The following USP15 variants were observed in gnomAD, a reference collection of about 807,000 sequenced individuals.
USP15 encodes the protein ubiquitin specific peptidase 15.
USP15 carries 18 observed loss-of-function variants against 127.1 expected under a neutral mutation model. That is an observed-to-expected ratio of 0.14 (90% CI 0.10 to 0.21). The LOEUF (loss-of-function observed/expected upper bound fraction) is 0.21, where lower values mean the gene tolerates loss of function less well. USP15 is among the 10% of genes least tolerant of loss of function. The pLI is 1.00. For missense variants in USP15, 805 were observed against 1,159.9 expected (o/e 0.69, Z 4.44); for synonymous variants, 364 against 393.7 (o/e 0.92, Z 0.89).
intron 3 of USP15, among the ~76,000 whole-genome samples, chr12:62,308,496 C>T (rs2064555673): frequency 6.6e-6 from 1 of 152,010 alleles, no homozygotes; most frequent in Non-Finnish European, 1.5e-5. Flanking sequence ...GCACATACCT[C>T]CCTCATCCCC....
Position 62,383,989 on chromosome 12 carries a change from G to A in USP15, c.1239G>A (p.Arg413=). ...PYIQLKDADG[R]PDKVVAEEAW... ...TACAATTAAAAGATGCAGATGGAAG[G>A]CCAGATAAGGTAAATTTCATGATCC... Residue 413 remains arginine, a synonymous_variant, in exon 10 of 22, where the codon AGG becomes AGA. Transcript: ENST00000280377. The A allele has an allele frequency of 6.2e-7, 1 of 1,611,892 alleles. No homozygotes were observed. Among genetic ancestry groups the A allele is most frequent in the Non-Finnish European group, 8.5e-7 (1 of 1,178,882 alleles).
At chr12:62,315,774 A>G (rs2064814425) in intron 4 of USP15, among the ~76,000 whole-genome samples, 1 of 152,308 alleles carries the variant, frequency 6.6e-6, no homozygotes, top group African/African-American at 2.4e-5. Flanking sequence ...TCTGAATTTC[A>G]TTAACTGCAT....
chr12:62,308,953 A>C (rs2064570426), intron 3 of USP15, among the ~76,000 whole-genome samples: 1 of 152,170 alleles, frequency 6.6e-6, no homozygotes, highest in Admixed American at 6.6e-5. Context: ...ATTAAAATAC[A>C]ACTTAAAAGA....
chr12:62,298,887 A>C (rs1470619263), intron 2 of USP15, among the ~76,000 whole-genome samples: 5 of 151,678 alleles, frequency 3.3e-5, no homozygotes, highest in Non-Finnish European at 5.9e-5. Context: ...ACTTCCTGAA[A>C]CTGGGAAGGG....
chr12:62,379,784 G>T (rs2066934384), intron 8 of USP15, among the ~76,000 whole-genome samples: 2 of 152,056 alleles, frequency 1.3e-5, no homozygotes, highest in African/African-American at 4.8e-5. Flanking sequence ...TACTAAATCA[G>T]ATGATACTAA....
At chr12:62,393,341 T>G (rs2067380871) in intron 19 of USP15, 139 bp downstream of exon 19, 1 of 888,754 alleles carries the variant, frequency 1.1e-6, no homozygotes, top group Non-Finnish European at 1.6e-6. Context: ...TGAGTAGTTC[T>G]AACAGTTTAT....
intron 1 of USP15, among the ~76,000 whole-genome samples, chr12:62,279,365 T>C (rs951453766): frequency 1.3e-5 from 2 of 152,152 alleles, no homozygotes; most frequent in Admixed American, 6.6e-5. Context: ...CATTTTTCTT[T>C]ATTCTTTCAT....
chr12:62,304,545 A>G (rs1488610834), intron 3 of USP15: 2 of 265,064 alleles, frequency 7.5e-6, no homozygotes, highest in South Asian at 3.9e-5. Context: ...CTGAAGCCCA[A>G]CTTTCAATGT....
In USP15 at chr12:62,409,637, A is replaced by G. The variant is rs2067989735; in HGVS notation, c.*5262A>G. The G allele has an allele frequency of 6.6e-6, 1 of 152,142 alleles. No individual in the cohort carries two copies. The highest frequency in any genetic ancestry group is 2.1e-4 in the South Asian group (1 of 4,836). The allele number at this position is 152,142 out of a possible 1,614,324, so 9.4% of individuals were successfully genotyped here. A position where few individuals can be genotyped will look rare whatever the true frequency, so the allele number is the denominator to read the frequency against. On this transcript the variant is annotated 3_prime_UTR_variant, in exon 22 of 22. Transcript: ENST00000280377. ...TGGTGAAACAAACAAAACAGTTTTT[A>G]TCTGCTGTGACATTTAAGTTTGTTG...
intron 6 of USP15, among the ~76,000 whole-genome samples, chr12:62,330,041 G>T (rs1034491447): frequency 2.6e-5 from 4 of 152,090 alleles, no homozygotes; most frequent in Admixed American, 1.3e-4. Flanking sequence ...AATGAAATGG[G>T]AGTAACAATG....
At position 62,309,420 on chromosome 12, in the gene USP15, A is replaced by C. The variant is rs562351992; in HGVS notation, c.349-5370A>C. Among the ~76,000 whole-genome samples, 33 of 152,256 alleles carry C rather than the reference A, an allele frequency of 2.2e-4. 1 individual carries two copies. The highest frequency in any genetic ancestry group is 7.7e-4 in the African/African-American group (32 of 41,574). On this transcript the variant is annotated intron_variant, in intron 3 of 21. Transcript: ENST00000280377. ...CCTATGTGATTAAAGAAATTGAGTC[A>C]TTGAAAACCTTCCCACAAAGAAAGC...
At chr12:62,359,050 CT>C (rs1206883187) in intron 8 of USP15, among the ~76,000 whole-genome samples, 2 of 151,572 alleles carry the variant, frequency 1.3e-5, no homozygotes, top group African/African-American at 4.8e-5. Context: ...AGCATCAAAA[CT>C]TTTTTTTAAG....
chr12:62,352,660 C>G (rs2065996835), intron 7 of USP15, among the ~76,000 whole-genome samples: 1 of 151,944 alleles, frequency 6.6e-6, no homozygotes, highest in Admixed American at 6.6e-5. Context: ...ACTACCAGAG[C>G]TAGCCATCTG....
chr12:62,384,722 T>A (rs536625968), intron 11 of USP15, among the ~76,000 whole-genome samples: 1 of 151,940 alleles, frequency 6.6e-6, no homozygotes, highest in South Asian at 2.1e-4. Flanking sequence ...TTTAAATACC[T>A]GTAATTTTTA....
chr12:62,307,404 A>G (rs1464688761), intron 3 of USP15, among the ~76,000 whole-genome samples: 1 of 152,164 alleles, frequency 6.6e-6, no homozygotes, highest in Non-Finnish European at 1.5e-5. Flanking sequence ...GTTATGGACC[A>G]TTGATTCCTT....
chr12:62,297,722 G>A (rs1261383096), intron 2 of USP15, among the ~76,000 whole-genome samples: 1 of 152,152 alleles, frequency 6.6e-6, no homozygotes, highest in Non-Finnish European at 1.5e-5. Flanking sequence ...ATAAAGACTG[G>A]GAGAGAGGTG....
At chr12:62,261,279 G>T (rs1266856005) in intron 1 of USP15, among the ~76,000 whole-genome samples, 1 of 152,084 alleles carries the variant, frequency 6.6e-6, no homozygotes, top group Non-Finnish European at 1.5e-5. Flanking sequence ...AATACCAAAG[G>T]TTATACATTT....
intron 2 of USP15, among the ~76,000 whole-genome samples, chr12:62,301,331 C>G (rs1302350802): frequency 1.3e-5 from 2 of 152,118 alleles, no homozygotes; most frequent in Non-Finnish European, 2.9e-5. Flanking sequence ...CATTCCACTC[C>G]TAGGTATTTA....
At position 62,385,576 on chromosome 12, in the gene USP15, T is replaced by A. The variant is rs556045307; in HGVS notation, c.1473+1274T>A. On this transcript the variant is annotated intron_variant, in intron 11 of 21. Coordinates refer to ENST00000280377, the MANE Select transcript of USP15 (RefSeq NM_001252078.2). ...ACTCATTGAACACAATGCCCTCATATCAGTATTTCACTGGAGAGTGCTAAG... is the reference window on the plus strand; with the variant it reads ...ACTCATTGAACACAATGCCCTCATAACAGTATTTCACTGGAGAGTGCTAAG... Among the ~76,000 whole-genome samples the A allele has an allele frequency of 2.6e-5, 4 of 152,136 alleles. No homozygotes were observed. The South Asian group carries it at 6.2e-4, about 24-fold the overall frequency.
Sources: allele counts gnomAD v4.1 joint callset (sites outside exome capture counted in the v4.1 genomes callset), GRCh38; gene constraint gnomAD v4.1.1; transcripts MANE v1.5; gene names NCBI Gene and HGNC (gene_info 2026-07-23, HGNC 2026-07-21).